Variants in RGS12 observed in about 807,000 individuals in gnomAD.
RGS12 encodes the protein regulator of G-protein signaling 12.
In RGS12, 66 loss-of-function variants were observed where a neutral mutation model predicts 120.1. The ratio of observed to expected loss-of-function variants is 0.55; its 90% CI spans 0.45 to 0.67. The LOEUF (loss-of-function observed/expected upper bound fraction) is 0.67, where lower values mean the gene tolerates loss of function less well. Among genes scored for constraint, RGS12 ranks in the 30% least tolerant of loss-of-function variants. The pLI, the probability that RGS12 is intolerant of heterozygous loss-of-function variation, is 0.00. For missense variants in RGS12, 1,859 were observed against 1,957.7 expected (o/e 0.95, Z 0.95); for synonymous variants, 827 against 804.7 (o/e 1.03, Z -0.47).
chr4:3,334,899 C>G (rs1712276148), intron 2 of RGS12, among the ~76,000 whole-genome samples: 1 of 152,148 alleles, frequency 6.6e-6, no homozygotes, highest in Admixed American at 6.5e-5. Context: ...TGGGATATTA[C>G]TGCATTCTTC....
intron 14 of RGS12, among the ~76,000 whole-genome samples, chr4:3,427,082 C>G (rs1723735853): frequency 6.6e-6 from 1 of 152,208 alleles, no homozygotes; most frequent in African/African-American, 2.4e-5. Context: ...CTCCCCTCCC[C>G]AACTCCTCAC....
intron 2 of RGS12, among the ~76,000 whole-genome samples, chr4:3,321,147 C>G (rs556412628): frequency 6.6e-6 from 1 of 152,204 alleles, no homozygotes; most frequent in South Asian, 2.1e-4. Flanking sequence ...TATACAGAAT[C>G]GTTAACAAAG....
At chr4:3,401,605 G>C (rs535349394) in intron 4 of RGS12, among the ~76,000 whole-genome samples, 2 of 152,366 alleles carry the variant, frequency 1.3e-5, no homozygotes, top group South Asian at 4.1e-4. Flanking sequence ...ACAGCGGGGG[G>C]AGTGTCTTGC....
chr4:3,320,282 C>T (rs1725090919), intron 2 of RGS12, among the ~76,000 whole-genome samples: 1 of 152,168 alleles, frequency 6.6e-6, no homozygotes, highest in Non-Finnish European at 1.5e-5. Flanking sequence ...GGGCGGGTGA[C>T]ATGGGGGAAT....
chr4:3,423,862 G>T (rs897654199), intron 13 of RGS12: 60 of 546,936 alleles, frequency 1.1e-4, no homozygotes, highest in African/African-American at 1.1e-3. Flanking sequence ...ATTCCAAAAA[G>T]AATTGATATT....
rs1457369738 is a variant in RGS12 at position 3,302,405 on chromosome 4, C to T, written c.-102+9306C>T. 8.5e-5 allele frequency among the ~76,000 whole-genome samples: 13 copies of T among 152,328 alleles called. No homozygotes were observed. In the South Asian group the frequency reaches 2.7e-3, roughly 32 times the overall value. On this transcript the variant is annotated intron_variant, in intron 1 of 17. Transcript: ENST00000336727. ...GGTGGGTGGGGTTGGGGGCTTGGCT[C>T]CCGCTCTTGTCTGAGTGTCTTTGTG...
At chr4:3,302,743 T>G (rs1723754492) in intron 1 of RGS12, among the ~76,000 whole-genome samples, 1 of 152,130 alleles carries the variant, frequency 6.6e-6, no homozygotes. Flanking sequence ...GGCTAGGTTC[T>G]CAGAGCCTAG....
chr4:3,346,815 A>G (rs907707524), intron 3 of RGS12, among the ~76,000 whole-genome samples: 12 of 152,232 alleles, frequency 7.9e-5, no homozygotes, highest in Admixed American at 7.9e-4. Context: ...GATTTTGCCT[A>G]CAGTCTTAAG....
Position 3,430,803 on chromosome 4 carries a change from C to T in RGS12, c.3962C>T (p.Ser1321Phe). The T allele has an allele frequency of 6.2e-7, 1 of 1,611,946 alleles. No individual in the cohort carries two copies. The highest frequency in any genetic ancestry group is 8.5e-7 in the Non-Finnish European group (1 of 1,179,542). The change falls in exon 17 of 18, where the codon TCT becomes TTT. Residue 1321 changes from serine (S) to phenylalanine (F), a missense_variant. Transcript: ENST00000336727. Reference sequence around the variant, plus strand: ...ACCGCCCAGATCTGGAAGAGGCAGTCTCAGGAAGTGGAGGCCGGGGGCATC... The same window carrying T: ...ACCGCCCAGATCTGGAAGAGGCAGTTTCAGGAAGTGGAGGCCGGGGGCATC... Reference protein sequence around the residue: ...EGTAQIWKRQSQEVEAGGIQT... With the variant: ...EGTAQIWKRQFQEVEAGGIQT...
At position 3,381,857 on chromosome 4, in the gene RGS12, C is replaced by A. The variant is rs545906415; in HGVS notation, c.1999-4559C>A. On this transcript the variant is annotated intron_variant, in intron 3 of 17. Coordinates refer to ENST00000336727, the MANE Select transcript of RGS12 (RefSeq NM_001394154.1). ...TTTCCTGACAAGATTACTTAATTTGCAAAGAGATCATTTATAATTACCATG... is the reference window on the plus strand; with the variant it reads ...TTTCCTGACAAGATTACTTAATTTGAAAAGAGATCATTTATAATTACCATG... Among the ~76,000 whole-genome samples, 3 of 152,296 alleles carry A rather than the reference C, an allele frequency of 2.0e-5. No homozygotes were observed. The South Asian group carries it at 6.2e-4, about 32-fold the overall frequency.
In RGS12 at chr4:3,368,873, C is replaced by T. The variant is rs1332951165; in HGVS notation, c.1999-17543C>T. On this transcript the variant is annotated intron_variant, in intron 3 of 17. Coordinates refer to ENST00000336727, the MANE Select transcript of RGS12 (RefSeq NM_001394154.1). ...GATGTGGTCTGGTCTATACGTGCTC[C>T]GCCTTCTGTCATACTGCCTGCCATG... is the stretch of plus-strand genomic sequence containing the variant. Among the ~76,000 whole-genome samples, 6 of 152,060 alleles carry T rather than the reference C, an allele frequency of 3.9e-5. No homozygotes were observed. The South Asian group carries it at 8.3e-4, about 21-fold the overall frequency.
intron 6 of RGS12, among the ~76,000 whole-genome samples, chr4:3,415,520 C>T (rs1018569172): frequency 6.6e-6 from 1 of 152,186 alleles, no homozygotes; most frequent in Non-Finnish European, 1.5e-5. Flanking sequence ...GCAGCTCCTC[C>T]TGCGCCTCGT....
chr4:3,431,237 C>T (rs1042825822), intron 17 of RGS12: 10 of 1,303,346 alleles, frequency 7.7e-6, no homozygotes, highest in East Asian at 6.8e-5. Flanking sequence ...GTGCCTGCAG[C>T]GAGGTCTGGG....
In RGS12 at chr4:3,317,944, C is replaced by T. The variant is rs761622803; in HGVS notation, c.1774C>T (p.Gln592Ter). The T allele has an allele frequency of 3.1e-6, 5 of 1,614,082 alleles. No individual in the cohort carries two copies. Among genetic ancestry groups the T allele is most frequent in the Non-Finnish European group, 4.2e-6 (5 of 1,180,044 alleles). ...DRYRVEGSFA[Q>*]PPLNAPKREW... Reference sequence around the variant, plus strand: ...CTACAGGGTGGAGGGCAGCTTCGCGCAGCCCCCGCTGAATGCCCCGAAGAG... The same window carrying T: ...CTACAGGGTGGAGGGCAGCTTCGCGTAGCCCCCGCTGAATGCCCCGAAGAG... Residue 592 changes from glutamine to a stop codon, truncating the protein, a stop_gained, in exon 2 of 18, where the codon CAG (glutamine) becomes TAG (stop). Transcript: ENST00000336727. LOFTEE classifies it high-confidence loss of function.
intron 2 of RGS12, among the ~76,000 whole-genome samples, chr4:3,325,273 G>T (rs1725482547): frequency 6.6e-6 from 1 of 152,132 alleles, no homozygotes; most frequent in Non-Finnish European, 1.5e-5. Context: ...AGTAAATTTG[G>T]TTACTTTTAT....
intron 2 of RGS12, among the ~76,000 whole-genome samples, chr4:3,340,475 C>T (rs1036054518): frequency 2.0e-5 from 3 of 152,214 alleles, no homozygotes; most frequent in African/African-American, 7.2e-5. Flanking sequence ...AGAACATGCA[C>T]AAAGGCCATG....
chr4:3,380,330 T>G (rs901490828), intron 3 of RGS12, among the ~76,000 whole-genome samples: 1 of 152,254 alleles, frequency 6.6e-6, no homozygotes, highest in African/African-American at 2.4e-5. Flanking sequence ...TTTCACGGGT[T>G]GGCATTGAGC....
intron 2 of RGS12, among the ~76,000 whole-genome samples, chr4:3,337,438 T>G (rs1035847776): frequency 5.9e-5 from 9 of 152,232 alleles, no homozygotes; most frequent in Non-Finnish European, 1.2e-4. Flanking sequence ...GCAGTATTAT[T>G]TGCAATAGCT....
chr4:3,323,018 GGT>G (rs1170379766), intron 2 of RGS12, among the ~76,000 whole-genome samples: 3 of 152,208 alleles, frequency 2.0e-5, no homozygotes, highest in South Asian at 2.1e-4. Flanking sequence ...GTGAGATAGT[GGT>G]ACCTGCATCA....
Sources: gnomAD v4.1 joint callset for allele counts (sites outside exome capture counted in the v4.1 genomes callset) on GRCh38, gnomAD v4.1.1 for gene constraint, MANE v1.5 for transcripts, NCBI Gene and HGNC (gene_info 2026-07-23, HGNC 2026-07-21) for gene names.